The following ADAMTS17 variants were observed in gnomAD, a reference collection of about 807,000 sequenced individuals.
ADAMTS17 encodes ADAM metallopeptidase with thrombospondin type 1 motif 17.
ADAMTS17 carries 113 observed loss-of-function variants against 141.5 expected under a neutral mutation model. That is an observed-to-expected ratio of 0.80 (90% CI 0.69 to 0.93). The LOEUF (loss-of-function observed/expected upper bound fraction) is 0.93, where lower values mean the gene tolerates loss of function less well. ADAMTS17 is among the 40% of genes least tolerant of loss of function. The pLI, the probability that ADAMTS17 is intolerant of heterozygous loss-of-function variation, is 0.00. For synonymous variants in ADAMTS17, 768 were observed against 630.6 expected (o/e 1.22, Z -3.27); for missense variants, 1,659 against 1,517.9 (o/e 1.09, Z -1.54).
intron 8 of ADAMTS17, among the ~76,000 whole-genome samples, chr15:100,174,219 C>A (rs2040256860): frequency 6.6e-6 from 1 of 152,156 alleles, no homozygotes; most frequent in Admixed American, 6.5e-5. Context: ...AGTCAACATT[C>A]TCACTGTTAT....
At chr15:100,025,117 T>G (rs1347545208) in intron 18 of ADAMTS17, among the ~76,000 whole-genome samples, 2 of 152,214 alleles carry the variant, frequency 1.3e-5, no homozygotes, top group African/African-American at 4.8e-5. Context: ...AGTTTATACT[T>G]TATATAAATG....
chr15:100,274,702 A>G (rs960433500), intron 4 of ADAMTS17, among the ~76,000 whole-genome samples: 2 of 152,040 alleles, frequency 1.3e-5, no homozygotes, highest in Non-Finnish European at 1.5e-5. Flanking sequence ...TTACTTTTCC[A>G]TTTTGTTATT....
At chr15:100,031,877 G>A (rs2030203071) in intron 18 of ADAMTS17, among the ~76,000 whole-genome samples, 1 of 152,176 alleles carries the variant, frequency 6.6e-6, no homozygotes, top group South Asian at 2.1e-4. Flanking sequence ...ATAAGTTCCT[G>A]ACAAATATTT....
intron 20 of ADAMTS17, among the ~76,000 whole-genome samples, chr15:99,988,393 G>A (rs1014023208): frequency 2.0e-5 from 3 of 152,118 alleles, no homozygotes; most frequent in African/African-American, 7.2e-5. Flanking sequence ...ACCTTCTACT[G>A]CAAGTAAAAG....
intron 18 of ADAMTS17, among the ~76,000 whole-genome samples, chr15:100,008,308 G>C (rs1292526771): frequency 2.0e-5 from 3 of 152,110 alleles, no homozygotes; most frequent in African/African-American, 7.2e-5. Flanking sequence ...GAGAGGACAA[G>C]GGGATTTCTG....
chr15:100,216,565 G>A (rs929433041), intron 7 of ADAMTS17, among the ~76,000 whole-genome samples: 4 of 152,210 alleles, frequency 2.6e-5, no homozygotes, highest in African/African-American at 9.6e-5. Flanking sequence ...ACCGCACTGT[G>A]CCTCCTTACC....
At chr15:100,213,644 T>A (rs1426561916) in intron 7 of ADAMTS17, among the ~76,000 whole-genome samples, 1 of 152,208 alleles carries the variant, frequency 6.6e-6, no homozygotes, top group Non-Finnish European at 1.5e-5. Flanking sequence ...TAAAATGGGA[T>A]CCAAGACCTG....
At chr15:100,301,513 A>G (rs1422395941) in intron 3 of ADAMTS17, among the ~76,000 whole-genome samples, 20 of 102,882 alleles carry the variant, frequency 1.9e-4, no homozygotes, top group African/African-American at 7.0e-4. Flanking sequence ...TTTTTTTTGT[A>G]TATTTAGTAG....
At position 100,132,085 on chromosome 15, in the gene ADAMTS17, G is replaced by A. The variant is rs138024512; in HGVS notation, c.1643C>T (p.Pro548Leu). Reference sequence around the variant, plus strand: ...GCTGCACATGCTCCAGGCGCCCCACGGGCTCCAGTCTCCGTCCACATGCTC... The same window carrying A: ...GCTGCACATGCTCCAGGCGCCCCACAGGCTCCAGTCTCCGTCCACATGCTC... ...IPEHVDGDWS[P>L]WGAWSMCSRT... Residue 548 changes from proline to leucine, a missense_variant, in exon 12 of 22, where the codon CCG becomes CTG. Transcript: ENST00000268070. 2.8e-5 allele frequency: 45 copies of A among 1,614,020 alleles called. No individual in the cohort carries two copies. Among genetic ancestry groups the A allele is most frequent in the East Asian group, 1.8e-4 (8 of 44,894 alleles).
chr15:100,332,759 T>C (rs1402705046), intron 2 of ADAMTS17, among the ~76,000 whole-genome samples: 1 of 152,180 alleles, frequency 6.6e-6, no homozygotes, highest in East Asian at 1.9e-4. Context: ...AGGGCCCCCA[T>C]GTGCTGGTTT....
At chr15:100,228,405 A>G (rs2042374747) in intron 7 of ADAMTS17, among the ~76,000 whole-genome samples, 1 of 152,250 alleles carries the variant, frequency 6.6e-6, no homozygotes, top group African/African-American at 2.4e-5. Flanking sequence ...TGCTTTGCAC[A>G]TCACTATAAT....
intron 4 of ADAMTS17, among the ~76,000 whole-genome samples, chr15:100,271,512 A>T (rs1336566507): frequency 6.6e-6 from 1 of 151,952 alleles, no homozygotes; most frequent in Non-Finnish European, 1.5e-5. Flanking sequence ...CTTTCCATGT[A>T]CTTATTGGCT....
intron 8 of ADAMTS17, among the ~76,000 whole-genome samples, chr15:100,180,781 A>G (rs1197619909): frequency 1.3e-5 from 2 of 152,194 alleles, no homozygotes; most frequent in Non-Finnish European, 2.9e-5. Flanking sequence ...TAGCTATTAT[A>G]AATGGGATTA....
At chr15:100,252,120 T>G (rs1296751148) in intron 7 of ADAMTS17, among the ~76,000 whole-genome samples, 1 of 152,164 alleles carries the variant, frequency 6.6e-6, no homozygotes, top group Admixed American at 6.5e-5. Context: ...ACCAGGGGCC[T>G]GAACACAGGA....
chr15:100,330,967 T>C lies in ADAMTS17; in HGVS notation c.538A>G (p.Ile180Val). 6.2e-7 allele frequency: 1 copy of C among 1,614,106 alleles called. No homozygotes were observed. The highest frequency in any genetic ancestry group is 1.3e-5 in the African/African-American group (1 of 74,994). ...QGPFSGREHL[I>V]RRKWSLTPSP... is the part of the protein sequence containing the mutation. ...GGGGTCAAGGACCATTTGCGCCTGA[T>C]CAGATGTTCTCGTCCACTGAATGGG... The change falls in exon 3 of 22, where the codon ATC becomes GTC. Residue 180 changes from isoleucine (I) to valine (V), a missense_variant. Coordinates refer to ENST00000268070, the MANE Select transcript of ADAMTS17 (RefSeq NM_139057.4).
At chr15:100,323,581 GA>G (rs1567536933) in intron 3 of ADAMTS17, among the ~76,000 whole-genome samples, 1 of 151,522 alleles carries the variant, frequency 6.6e-6, no homozygotes, top group African/African-American at 2.4e-5. Context: ...AGAAGTTAGG[GA>G]AAAAGCAATA....
chr15:100,323,485 G>A (rs1175975196), intron 3 of ADAMTS17, among the ~76,000 whole-genome samples: 3 of 152,168 alleles, frequency 2.0e-5, no homozygotes, highest in Non-Finnish European at 4.4e-5. Context: ...TGCCCCTACA[G>A]GTGTGCTTAC....
chr15:100,243,955 G>C (rs966551376), intron 7 of ADAMTS17, among the ~76,000 whole-genome samples: 2 of 152,068 alleles, frequency 1.3e-5, no homozygotes, highest in Non-Finnish European at 2.9e-5. Context: ...GGGATATTAG[G>C]TAAGTGTATC....
At chr15:100,175,120 C>T (rs950333797) in intron 8 of ADAMTS17, among the ~76,000 whole-genome samples, 4 of 152,318 alleles carry the variant, frequency 2.6e-5, no homozygotes, top group African/African-American at 4.8e-5. Flanking sequence ...TTCGATCTCA[C>T]ATTTGGAGTG....
Sources: allele counts gnomAD v4.1 joint callset (sites outside exome capture counted in the v4.1 genomes callset), GRCh38; gene constraint gnomAD v4.1.1; transcripts MANE v1.5; gene names NCBI Gene and HGNC (gene_info 2026-07-23, HGNC 2026-07-21).